Variants in CA1 observed in about 807,000 individuals in gnomAD.
CA1 encodes carbonic anhydrase 1.
Under a neutral mutation model 28.8 loss-of-function variants are expected in CA1, and 27 were observed. That is an observed-to-expected ratio of 0.94 (90% CI 0.69 to 1.29). The LOEUF (loss-of-function observed/expected upper bound fraction) is 1.29. Ranked by LOEUF, CA1 falls within the 50% of genes most tolerant of loss-of-function variation. The probability of loss-of-function intolerance (pLI) is 0.00; values close to 1 mark genes in which losing one functional copy is unlikely to be tolerated. For missense variants in CA1, 335 were observed against 310.5 expected, an observed-to-expected ratio of 1.08 and a Z score of -0.59; for synonymous variants, 121 against 108.8, an observed-to-expected ratio of 1.11 and a Z score of -0.70.
chr8:85,377,124 T>G (rs1275996170), intron 1 of CA1, among the ~76,000 whole-genome samples: 1 of 152,208 alleles, frequency 6.6e-6, no homozygotes, highest in Admixed American at 6.5e-5. Flanking sequence ...CTTGAAGCAT[T>G]TAATATAACC....
chr8:85,337,285 ATTT>A, intron 3 of CA1: 3 of 534,856 alleles, frequency 5.6e-6, no homozygotes. Flanking sequence ...AATTATACAC[ATTT>A]CCCAGCCACA....
At chr8:85,376,066 C>T (rs1810404476) in intron 1 of CA1, among the ~76,000 whole-genome samples, 1 of 152,298 alleles carries the variant, frequency 6.6e-6, no homozygotes, top group Admixed American at 6.5e-5. Flanking sequence ...CATGGTGGCT[C>T]ATGCCTTTAA....
intron 1 of CA1, among the ~76,000 whole-genome samples, chr8:85,371,070 C>A (rs1469745867): frequency 6.6e-6 from 1 of 152,010 alleles, no homozygotes; most frequent in Non-Finnish European, 1.5e-5. Flanking sequence ...TAGGATGGAT[C>A]CACAGATTCT....
At chr8:85,374,171 TAAATC>T (rs1810327133) in intron 1 of CA1, among the ~76,000 whole-genome samples, 1 of 152,130 alleles carries the variant, frequency 6.6e-6, no homozygotes. Flanking sequence ...TGATTTATAA[TAAATC>T]AAATATTTTA....
chr8:85,334,461 T>C (rs1187272593), intron 4 of CA1, among the ~76,000 whole-genome samples: 1 of 152,100 alleles, frequency 6.6e-6, no homozygotes, highest in African/African-American at 2.4e-5. Context: ...TGAATTAGGG[T>C]TGAACTCAAA....
chr8:85,367,438 G>A (rs367790242), intron 1 of CA1, among the ~76,000 whole-genome samples: 10 of 152,288 alleles, frequency 6.6e-5, no homozygotes, highest in East Asian at 3.9e-4. Context: ...ACTCAACTCT[G>A]TGGCATAAGA....
intron 1 of CA1, chr8:85,351,734 T>C (rs1227340247): frequency 1.3e-5 from 2 of 152,224 alleles, no homozygotes; most frequent in Admixed American, 1.3e-4. Flanking sequence ...TACTTGCCTC[T>C]TGCAAAGTGA....
rs182830489 is a variant in CA1, at chr8:85,329,035, T to G, written c.670-359A>C. 2.4e-4 allele frequency among the ~76,000 whole-genome samples: 37 copies of G among 152,276 alleles called. 2 individuals are homozygous for G. Among genetic ancestry groups the G allele is most frequent in the Admixed American group, 2.4e-3 (36 of 15,286 alleles). On this transcript the variant is annotated intron_variant, in intron 7 of 7. Transcript: ENST00000523022. Reference sequence around the variant, plus strand: ...TGGTACCTTAGTTTCCATAAGTACTTACTTCACTGTGTTGTTGTGAAGATT... The same window carrying G: ...TGGTACCTTAGTTTCCATAAGTACTGACTTCACTGTGTTGTTGTGAAGATT...
intron 1 of CA1, among the ~76,000 whole-genome samples, chr8:85,344,168 ATACTGT>A (rs1809040546): frequency 7.5e-6 from 1 of 132,682 alleles, no homozygotes; most frequent in Non-Finnish European, 1.6e-5. Flanking sequence ...TGTATATTAT[ATACTGT>A]ATATAATATA....
At chr8:85,363,409 C>T (rs543620831) in intron 1 of CA1, among the ~76,000 whole-genome samples, 4 of 152,344 alleles carry the variant, frequency 2.6e-5, no homozygotes, top group African/African-American at 9.6e-5. Context: ...AAACACTCAT[C>T]TACACAGCCT....
chr8:85,370,202 T>C (rs1357631616), intron 1 of CA1, among the ~76,000 whole-genome samples: 12 of 152,234 alleles, frequency 7.9e-5, no homozygotes, highest in Admixed American at 7.9e-4. Flanking sequence ...TTTATGCTTC[T>C]TGTATTTTAT....
intron 4 of CA1, among the ~76,000 whole-genome samples, chr8:85,336,239 C>A (rs909158760): frequency 3.3e-5 from 5 of 152,070 alleles, no homozygotes; most frequent in Non-Finnish European, 7.4e-5. Flanking sequence ...TTATAGAATT[C>A]ATTTGATGAA....
chr8:85,357,158 G>A (rs1040676874), intron 1 of CA1, among the ~76,000 whole-genome samples: 19 of 152,144 alleles, frequency 1.2e-4, no homozygotes. Flanking sequence ...AGGCCCACAG[G>A]TGAGTTCAGG....
At chr8:85,369,615 C>T (rs1419192746) in intron 1 of CA1, among the ~76,000 whole-genome samples, 4 of 152,212 alleles carry the variant, frequency 2.6e-5, no homozygotes, top group East Asian at 1.9e-4. Flanking sequence ...AGCAGCTTCC[C>T]GTGGTCCTTT....
intron 1 of CA1, among the ~76,000 whole-genome samples, chr8:85,377,279 A>AATTGCT (rs1810455460): frequency 6.6e-6 from 1 of 152,144 alleles, no homozygotes; most frequent in Non-Finnish European, 1.5e-5. Flanking sequence ...CTTTTACTGG[A>AATTGCT]ATTGCTTTAA....
chr8:85,369,097 C>G (rs556617652), intron 1 of CA1, among the ~76,000 whole-genome samples: 17 of 152,168 alleles, frequency 1.1e-4, no homozygotes, highest in Non-Finnish European at 2.4e-4. Context: ...TCTCTGGGTT[C>G]TTCCCTCTGA....
At chr8:85,354,034 G>A in intron 1 of CA1, among the ~76,000 whole-genome samples, 1 of 151,516 alleles carries the variant, frequency 6.6e-6, no homozygotes, top group Non-Finnish European at 1.5e-5. Flanking sequence ...GTGGATCTCG[G>A]CTCACTGCAA....
At chr8:85,353,923 A>G (rs924145506) in intron 1 of CA1, among the ~76,000 whole-genome samples, 1 of 152,076 alleles carries the variant, frequency 6.6e-6, no homozygotes, top group Admixed American at 6.6e-5. Context: ...TTAGATTCTA[A>G]TAACTATCCT....
intron 1 of CA1, among the ~76,000 whole-genome samples, chr8:85,368,003 C>A (rs530297679): frequency 6.6e-6 from 1 of 151,846 alleles, no homozygotes; most frequent in Non-Finnish European, 1.5e-5. Flanking sequence ...CACTTATTTT[C>A]TTTTCATTGC....
Sources: allele counts gnomAD v4.1 joint callset (sites outside exome capture counted in the v4.1 genomes callset), GRCh38; gene constraint gnomAD v4.1.1; transcripts MANE v1.5; gene names NCBI Gene and HGNC (gene_info 2026-07-23, HGNC 2026-07-21).